Variants in FREM3 observed in about 807,000 individuals in gnomAD.
FREM3 encodes the protein FRAS1-related extracellular matrix protein 3.
In FREM3, 105 loss-of-function variants were observed where a neutral mutation model predicts 129.1. The observed-to-expected ratio is 0.81, with a 90% CI of 0.69 to 0.96. The LOEUF (loss-of-function observed/expected upper bound fraction) is 0.96. Among genes scored for constraint, FREM3 ranks in the 40% least tolerant of loss-of-function variants. FREM3 has a pLI of 0.00. For missense variants in FREM3, 2,593 were observed against 2,666.3 expected (o/e 0.97, Z 0.61); for synonymous variants, 1,014 against 1,044.9 (o/e 0.97, Z 0.57).
chr4:143,684,133 G>T (rs1235640463), intron 2 of FREM3, among the ~76,000 whole-genome samples: 1 of 152,136 alleles, frequency 6.6e-6, no homozygotes, highest in Admixed American at 6.6e-5. Flanking sequence ...GCCCACTGCT[G>T]GTTCCTCCCC....
chr4:143,599,424 T>C (rs984694), intron 6 of FREM3, among the ~76,000 whole-genome samples: 8,164 of 152,252 alleles, frequency 0.054, 593 homozygotes, highest in African/African-American at 0.17. Flanking sequence ...GGCCTTGCTT[T>C]CCTCATTTGT....
rs1497622 is a variant in FREM3 at position 143,577,615 on chromosome 4, T to C, written c.6416A>G (p.Asp2139Gly). The C allele has an allele frequency of 1.0e-3, 1,530 of 1,536,398 alleles. 19 individuals are homozygous for C. In the African/African-American group the frequency reaches 0.019, roughly 20 times the overall value. The change falls in exon 8 of 8, where the codon GAT becomes GGT. Residue 2139 changes from aspartate (D) to glycine (G), a missense_variant. Asp to Gly is a moderately conservative substitution (Grantham distance 94). Around this residue, in one of 2 missense-constraint regions of FREM3, gnomAD observed 317 missense variants for 399.0 expected, o/e 0.79. Coordinates refer to ENST00000329798, the MANE Select transcript of FREM3 (RefSeq NM_001168235.2). ...TTTTTTCCCTCTTAAAGTCTTTCAA[T>C]CAAAGGAACTACAAGCACTCTGCTT... The part of the protein sequence containing the change: ...DCKQSACSSF[D>G]
At chr4:143,674,414 C>T (rs1740066549) in intron 2 of FREM3, among the ~76,000 whole-genome samples, 1 of 152,166 alleles carries the variant, frequency 6.6e-6, no homozygotes, top group Non-Finnish European at 1.5e-5. Flanking sequence ...AAGGGAACAA[C>T]CGGTACCAGC....
Position 143,698,360 on chromosome 4 carries a change from G to T in FREM3, c.2316C>A (p.Ile772=). 2 of 1,537,944 alleles carry T rather than the reference G, an allele frequency of 1.3e-6. No homozygotes were observed. Among genetic ancestry groups the T allele is most frequent in the Non-Finnish European group, 8.7e-7 (1 of 1,147,062 alleles). Residue 772 remains isoleucine (I), a synonymous_variant, in exon 1 of 8, where the codon ATC becomes ATA. Coordinates refer to ENST00000329798, the MANE Select transcript of FREM3 (RefSeq NM_001168235.2). ...IVLTDSPDTL[I]MHFTQAQVNQ... Reference sequence around the variant, plus strand: ...TTACCTGGGCTTGGGTAAAGTGCATGATGAGTGTGTCTGGTGAATCAGTGA... The same window carrying T: ...TTACCTGGGCTTGGGTAAAGTGCATTATGAGTGTGTCTGGTGAATCAGTGA...
In FREM3 at chr4:143,646,797, T is replaced by C. The variant is rs543996837; in HGVS notation, c.5276-19037A>G. 2.6e-5 allele frequency among the ~76,000 whole-genome samples: 4 copies of C among 152,346 alleles called. No homozygotes were observed. In the East Asian group the frequency reaches 7.7e-4, roughly 29 times the overall value. Reference sequence around the variant, plus strand: ...TTGATACTGCAGAGAGTGGGGTTCTTCTATAAAGATACCCAAAAATGTGGA... The same window carrying C: ...TTGATACTGCAGAGAGTGGGGTTCTCCTATAAAGATACCCAAAAATGTGGA... On this transcript the variant is annotated intron_variant, in intron 2 of 7. Coordinates refer to ENST00000329798, the MANE Select transcript of FREM3 (RefSeq NM_001168235.2).
At chr4:143,684,093 G>A (rs1412758106) in intron 2 of FREM3, among the ~76,000 whole-genome samples, 4 of 152,064 alleles carry the variant, frequency 2.6e-5, no homozygotes, top group Non-Finnish European at 5.9e-5. Context: ...GAAGACAAAG[G>A]GCATATAATC....
chr4:143,693,960 T>C (rs1054754938), intron 1 of FREM3, among the ~76,000 whole-genome samples: 3 of 152,034 alleles, frequency 2.0e-5, no homozygotes, highest in Non-Finnish European at 4.4e-5. Flanking sequence ...AACTCATGAA[T>C]ACAATGAAAG....
chr4:143,668,837 G>A (rs984957651), intron 2 of FREM3, among the ~76,000 whole-genome samples: 14 of 152,146 alleles, frequency 9.2e-5, no homozygotes, highest in East Asian at 1.9e-4. Flanking sequence ...AGAAAAACCC[G>A]AATCATTCTC....
chr4:143,609,209 T>A (rs1738714986), intron 6 of FREM3, among the ~76,000 whole-genome samples: 1 of 152,148 alleles, frequency 6.6e-6, no homozygotes, highest in African/African-American at 2.4e-5. Context: ...GCTGACTCTG[T>A]TGTTCCACTT....
rs7666499 is a variant in FREM3 at position 143,647,698 on chromosome 4, T to G, written c.5276-19938A>C. Among the ~76,000 whole-genome samples the G allele has an allele frequency of 6.7e-3, 1,019 of 152,210 alleles. 15 individuals carry two copies. The highest frequency in any genetic ancestry group is 0.023 in the African/African-American group (975 of 41,528). ...CTTGTGGGTGCACTGAAGTCAAGAA[T>G]TGGTGTTTGGGAACCTCTGCCTAGA... On this transcript the variant is annotated intron_variant, in intron 2 of 7. Coordinates refer to ENST00000329798, the MANE Select transcript of FREM3 (RefSeq NM_001168235.2).
At chr4:143,637,643 A>G (rs546308461) in intron 2 of FREM3, among the ~76,000 whole-genome samples, 3 of 152,248 alleles carry the variant, frequency 2.0e-5, no homozygotes, top group African/African-American at 4.8e-5. Flanking sequence ...GGAGACTGCA[A>G]CATTACAGGC....
In FREM3 at chr4:143,660,160, G is replaced by A. The variant is rs539498216; in HGVS notation, c.5276-32400C>T. ...TTTTAGACATGAAGTCCTTGCCCAT[G>A]CCTATGTCCTGAATGGTAATGCCTA... On this transcript the variant is annotated intron_variant, in intron 2 of 7. Coordinates refer to ENST00000329798, the MANE Select transcript of FREM3 (RefSeq NM_001168235.2). 5.3e-3 allele frequency among the ~76,000 whole-genome samples: 793 copies of A among 150,506 alleles called. 6 individuals are homozygous for A. The highest frequency in any genetic ancestry group is 0.019 in the African/African-American group (750 of 40,054).
At position 143,577,484 on chromosome 4, in the gene FREM3, C is replaced by G. The variant is rs1397720124; in HGVS notation, c.*127G>C. On this transcript the variant is annotated 3_prime_UTR_variant, in exon 8 of 8. Coordinates refer to ENST00000329798, the MANE Select transcript of FREM3 (RefSeq NM_001168235.2). Reference sequence around the variant, plus strand: ...TATAAATTACATTTCCACATATCACCAGAATATAACACCAATGACAGTACA... The same window carrying G: ...TATAAATTACATTTCCACATATCACGAGAATATAACACCAATGACAGTACA... 1.2e-6 allele frequency: 1 copy of G among 858,292 alleles called. No individual in the cohort carries two copies. Among genetic ancestry groups the G allele is most frequent in the East Asian group, 2.7e-5 (1 of 37,384 alleles). 53.2% of individuals were successfully genotyped at this position (858,292 alleles called of 1,614,324 possible). A position where few individuals can be genotyped will look rare whatever the true frequency, so the allele number is the denominator to read the frequency against.
At chr4:143,626,997 A>G (rs537803724) in intron 3 of FREM3, among the ~76,000 whole-genome samples, 19 of 152,320 alleles carry the variant, frequency 1.2e-4, no homozygotes, top group African/African-American at 4.6e-4. Flanking sequence ...TGTTATGAAA[A>G]TACAATGCCT....
intron 2 of FREM3, among the ~76,000 whole-genome samples, chr4:143,664,158 G>A (rs546376207): frequency 1.7e-4 from 26 of 152,204 alleles, no homozygotes; most frequent in Non-Finnish European, 2.6e-4. Context: ...GAGGAGAGGC[G>A]CTCTGGTTTT....
intron 2 of FREM3, among the ~76,000 whole-genome samples, chr4:143,691,731 C>A (rs942641774): frequency 5.9e-5 from 9 of 152,290 alleles, no homozygotes; most frequent in Non-Finnish European, 1.2e-4. Context: ...AAAGTTAAAA[C>A]ATGGTAGCTA....
intron 2 of FREM3, among the ~76,000 whole-genome samples, chr4:143,688,393 A>G (rs529250984): frequency 3.9e-5 from 6 of 152,342 alleles, no homozygotes; most frequent in Admixed American, 3.9e-4. Context: ...ACAAATGGAA[A>G]CACATCCCAT....
At chr4:143,668,953 A>G (rs765672236) in intron 2 of FREM3, among the ~76,000 whole-genome samples, 3 of 152,216 alleles carry the variant, frequency 2.0e-5, no homozygotes, top group Non-Finnish European at 4.4e-5. Flanking sequence ...ATCTGTAGGT[A>G]GTTTTTCTAT....
intron 2 of FREM3, among the ~76,000 whole-genome samples, chr4:143,668,458 G>A (rs139833713): frequency 1.1e-3 from 161 of 152,318 alleles, no homozygotes; most frequent in African/African-American, 3.7e-3. Flanking sequence ...CTGTTTGCAT[G>A]TCTATATCTA....
Sources: allele counts gnomAD v4.1 joint callset (sites outside exome capture counted in the v4.1 genomes callset), GRCh38; gene constraint gnomAD v4.1.1; regional missense constraint gnomAD v4.1.1; transcripts MANE v1.5; gene names NCBI Gene and HGNC (gene_info 2026-07-23, HGNC 2026-07-21).